UVRAG: variants seen among roughly 807,000 people sequenced by gnomAD.
UVRAG encodes the protein UV radiation resistance-associated gene protein.
In UVRAG, 19 loss-of-function variants were observed where a neutral mutation model predicts 78.0. The observed-to-expected ratio is 0.24, with a 90% confidence interval of 0.17 to 0.36. The LOEUF (loss-of-function observed/expected upper bound fraction) is 0.36, where lower values mean the gene tolerates loss of function less well. Among genes scored for constraint, UVRAG ranks in the 10% least tolerant of loss-of-function variants. The probability of loss-of-function intolerance (pLI) is 1.00; values close to 1 mark genes in which losing one functional copy is unlikely to be tolerated. For missense variants in UVRAG, 740 were observed against 853.8 expected (o/e 0.87, Z 1.66); for synonymous variants, 323 against 324.6 (o/e 1.00, Z 0.05).
intron 7 of UVRAG, among the ~76,000 whole-genome samples, chr11:75,972,389 T>G (rs1354054983): frequency 5.3e-5 from 8 of 152,224 alleles, no homozygotes; most frequent in Admixed American, 4.6e-4. Context: ...GTTAATTTTT[T>G]ATGAACGGTA....
intron 13 of UVRAG, among the ~76,000 whole-genome samples, chr11:76,069,368 A>C (rs752627207): frequency 1.3e-4 from 20 of 152,118 alleles, no homozygotes; most frequent in Non-Finnish European, 2.6e-4. Context: ...CCATATATTA[A>C]TATTTGTTAA....
chr11:76,097,684 A>G (rs1951809551), intron 13 of UVRAG, among the ~76,000 whole-genome samples: 1 of 152,164 alleles, frequency 6.6e-6, no homozygotes, highest in South Asian at 2.1e-4. Context: ...ATATCTATTG[A>G]TTGAATGAAT....
At chr11:75,818,351 T>C (rs181850884) in intron 1 of UVRAG, among the ~76,000 whole-genome samples, 42 of 152,276 alleles carry the variant, frequency 2.8e-4, no homozygotes, top group African/African-American at 1.0e-3. Flanking sequence ...TATTACTTTG[T>C]TGCCTTTTTT....
intron 13 of UVRAG, among the ~76,000 whole-genome samples, chr11:76,068,015 A>T (rs1951225729): frequency 6.6e-6 from 1 of 152,012 alleles, no homozygotes; most frequent in South Asian, 2.1e-4. Context: ...GGTGAAACTT[A>T]CTCCTGCTGA....
In UVRAG at chr11:75,879,875, G is replaced by A. The variant is rs1437153128; in HGVS notation, c.271-4G>A. 6.2e-7 allele frequency: 1 copy of A among 1,613,458 alleles called. No homozygotes were observed. The highest frequency in any genetic ancestry group is 1.7e-5 in the Admixed American group (1 of 59,980). On this transcript the variant is annotated splice_polypyrimidine_tract_variant and splice_region_variant and intron_variant, in intron 3 of 14. Coordinates refer to ENST00000356136, the MANE Select transcript of UVRAG (RefSeq NM_003369.4). ...CTAAAGCGTGTTTTCATTTTCATGA[G>A]CAGAATCCCACGTGGCGAAGTCTCG...
At chr11:75,850,014 G>A (rs1208662672) in intron 1 of UVRAG, among the ~76,000 whole-genome samples, 1 of 152,190 alleles carries the variant, frequency 6.6e-6, no homozygotes, top group Admixed American at 6.5e-5. Context: ...TTTCCCATTG[G>A]CCACTTGGTG....
At chr11:75,949,771 A>G (rs1475867237) in intron 6 of UVRAG, among the ~76,000 whole-genome samples, 7 of 147,894 alleles carry the variant, frequency 4.7e-5, no homozygotes, top group Admixed American at 4.6e-4. Flanking sequence ...ATACATATAT[A>G]CACATATATA....
At position 75,934,308 on chromosome 11, in the gene UVRAG, A is replaced by G. The variant is rs528664549; in HGVS notation, c.593+22269A>G. Among the ~76,000 whole-genome samples, 200 of 152,218 alleles carry G rather than the reference A, an allele frequency of 1.3e-3. 1 individual carries two copies. Among genetic ancestry groups the G allele is most frequent in the African/African-American group, 4.6e-3 (190 of 41,544 alleles). On this transcript the variant is annotated intron_variant, in intron 6 of 14. Coordinates refer to ENST00000356136, the MANE Select transcript of UVRAG (RefSeq NM_003369.4). ...AAAATTAAAACAATTGAAGTCATGG[A>G]GATAGAGAGCAAGAAGTATGGTTAC...
intron 13 of UVRAG, among the ~76,000 whole-genome samples, chr11:76,091,442 C>T (rs1295126557): frequency 1.3e-5 from 2 of 152,164 alleles, no homozygotes; most frequent in African/African-American, 4.8e-5. Context: ...CCTTGAATTA[C>T]TTCATTAATG....
chr11:75,887,489 C>T (rs1947107451), intron 4 of UVRAG, among the ~76,000 whole-genome samples: 1 of 147,706 alleles, frequency 6.8e-6, no homozygotes, highest in Non-Finnish European at 1.5e-5. Flanking sequence ...GCTCTGTCTC[C>T]CAGGCTGGAG....
chr11:76,092,145 T>C (rs1001172995), intron 13 of UVRAG, among the ~76,000 whole-genome samples: 7 of 152,180 alleles, frequency 4.6e-5, no homozygotes, highest in Non-Finnish European at 8.8e-5. Context: ...GCTTCATCCA[T>C]GTCCCTACAA....
intron 13 of UVRAG, among the ~76,000 whole-genome samples, chr11:76,113,142 A>G (rs1565166290): frequency 6.6e-6 from 1 of 152,200 alleles, no homozygotes; most frequent in Non-Finnish European, 1.5e-5. Context: ...GGAATAATAC[A>G]TTACATGGCT....
At chr11:76,031,963 G>C (rs2135401603) in intron 12 of UVRAG, among the ~76,000 whole-genome samples, 1 of 152,184 alleles carries the variant, frequency 6.6e-6, no homozygotes. Flanking sequence ...TTATTTTATT[G>C]GTGTTGCATG....
At chr11:76,033,441 CAT>C (rs1246786580) in intron 12 of UVRAG, among the ~76,000 whole-genome samples, 3 of 151,902 alleles carry the variant, frequency 2.0e-5, no homozygotes, top group Non-Finnish European at 4.4e-5. Context: ...AAATGAGACT[CAT>C]AAGTTTTTAG....
At chr11:76,002,000 G>A (rs1437850613) in intron 8 of UVRAG, among the ~76,000 whole-genome samples, 1 of 152,170 alleles carries the variant, frequency 6.6e-6, no homozygotes, top group Non-Finnish European at 1.5e-5. Flanking sequence ...TGAGAAGCAG[G>A]ACGTATGCAT....
chr11:76,103,766 A>G (rs754221288), intron 13 of UVRAG, among the ~76,000 whole-genome samples: 14 of 152,144 alleles, frequency 9.2e-5, no homozygotes, highest in Non-Finnish European at 1.6e-4. Context: ...AAGGCACCTC[A>G]TTACCAGATT....
intron 12 of UVRAG, among the ~76,000 whole-genome samples, chr11:76,036,414 A>G (rs1384845587): frequency 6.6e-6 from 1 of 151,728 alleles, no homozygotes; most frequent in African/African-American, 2.4e-5. Context: ...ACCAAGTGTG[A>G]TGGCACCCAG....
chr11:76,094,633 T>C (rs951999624), intron 13 of UVRAG, among the ~76,000 whole-genome samples: 7 of 152,236 alleles, frequency 4.6e-5, no homozygotes, highest in African/African-American at 1.7e-4. Context: ...CTAGATTTTC[T>C]AGTTTATTTG....
chr11:75,894,982 CAA>C (rs1274760302), intron 5 of UVRAG, among the ~76,000 whole-genome samples: 1 of 151,932 alleles, frequency 6.6e-6, no homozygotes, highest in Non-Finnish European at 1.5e-5. Flanking sequence ...TTTGTAATCA[CAA>C]TAATTATAAA....
Sources: allele counts gnomAD v4.1 joint callset (sites outside exome capture counted in the v4.1 genomes callset), GRCh38; gene constraint gnomAD v4.1.1; transcripts MANE v1.5; gene names NCBI Gene and HGNC (gene_info 2026-07-23, HGNC 2026-07-21).